The following PRKCE variants were observed in gnomAD, a reference collection of about 807,000 sequenced individuals.
PRKCE encodes protein kinase C epsilon type.
In PRKCE, 16 loss-of-function variants were observed where a neutral mutation model predicts 85.4. The ratio of observed to expected loss-of-function variants is 0.19; its 90% CI spans 0.13 to 0.28. The LOEUF (loss-of-function observed/expected upper bound fraction) is 0.28, where lower values mean the gene tolerates loss of function less well. Ranked by LOEUF, PRKCE falls within the 10% of genes least tolerant of loss-of-function variation. The pLI, the probability that PRKCE is intolerant of heterozygous loss-of-function variation, is 1.00. For missense variants in PRKCE, 573 were observed against 975.2 expected, an observed-to-expected ratio of 0.59 and a Z score of 5.49; for synonymous variants, 388 against 371.5, an observed-to-expected ratio of 1.04 and a Z score of -0.51.
intron 10 of PRKCE, among the ~76,000 whole-genome samples, chr2:46,076,637 A>T (rs62129019): frequency 6.6e-6 from 1 of 152,016 alleles, no homozygotes; most frequent in Non-Finnish European, 1.5e-5. Context: ...TTTCTCAACC[A>T]GCAGACTATA....
intron 1 of PRKCE, among the ~76,000 whole-genome samples, chr2:45,691,025 C>G (rs577730925): frequency 2.0e-5 from 3 of 152,356 alleles, no homozygotes; most frequent in South Asian, 2.1e-4. Flanking sequence ...AAAGCCTGAA[C>G]TTCGCTGGAT....
intron 6 of PRKCE, among the ~76,000 whole-genome samples, chr2:45,992,525 A>G (rs962155754): frequency 6.6e-5 from 10 of 152,068 alleles, no homozygotes; most frequent in Admixed American, 5.2e-4. Flanking sequence ...CAAGCACACA[A>G]TTTCCCATTT....
chr2:45,881,679 A>G (rs537381945), intron 2 of PRKCE, among the ~76,000 whole-genome samples: 1 of 152,278 alleles, frequency 6.6e-6, no homozygotes, highest in East Asian at 1.9e-4. Context: ...ATTTTTACAG[A>G]TGAGGAAACT....
rs544693502 is a variant in PRKCE at position 45,851,006 on chromosome 2, G to A, written c.412+7943G>A. ...CCAGTAAGCATCATCGTGTGCTTTA[G>A]CTGTTGGGTAGCTACTGGTAGGGCA... On this transcript the variant is annotated intron_variant, in intron 2 of 14. Transcript: ENST00000306156. Among the ~76,000 whole-genome samples, 5 of 152,356 alleles carry A rather than the reference G, an allele frequency of 3.3e-5. No homozygotes were observed. In the East Asian group the frequency reaches 7.7e-4, roughly 23 times the overall value.
intron 1 of PRKCE, among the ~76,000 whole-genome samples, chr2:45,691,042 C>A (rs939172116): frequency 6.6e-6 from 1 of 152,226 alleles, no homozygotes; most frequent in African/African-American, 2.4e-5. Context: ...GGATTTCTTT[C>A]TCTTATGGCT....
intron 2 of PRKCE, among the ~76,000 whole-genome samples, chr2:45,866,585 G>T (rs1380571545): frequency 1.3e-5 from 2 of 152,222 alleles, no homozygotes. Flanking sequence ...GGAATTACAG[G>T]CATGAGCCAC....
At chr2:45,854,133 T>A (rs1200519684) in intron 2 of PRKCE, among the ~76,000 whole-genome samples, 1 of 152,214 alleles carries the variant, frequency 6.6e-6, no homozygotes, top group Non-Finnish European at 1.5e-5. Flanking sequence ...CACAAGTCAT[T>A]CAAGGGCAGA....
chr2:46,010,418 G>A lies in PRKCE; in HGVS notation c.1338G>A (p.Gln446=), dbSNP rs759318994. ...VKVLKKDVIL[Q]DDDVDCTMTE... ...TCTTAAAGAAGGACGTCATCCTTCA[G>A]GATGATGACGTGGACTGCACAATGA... Residue 446 remains glutamine (Q), a synonymous_variant, in exon 10 of 15, where the codon CAG becomes CAA. Transcript: ENST00000306156. 6.3e-7 allele frequency: 1 copy of A among 1,599,694 alleles called. No individual in the cohort carries two copies. The highest frequency in any genetic ancestry group is 1.7e-5 in the Admixed American group (1 of 60,026).
At chr2:45,977,166 G>C (rs912456450) in intron 3 of PRKCE, among the ~76,000 whole-genome samples, 5 of 151,928 alleles carry the variant, frequency 3.3e-5, no homozygotes, top group African/African-American at 1.2e-4. Flanking sequence ...CAAAGTGCTG[G>C]GATTATAGAT....
intron 11 of PRKCE, among the ~76,000 whole-genome samples, chr2:46,109,902 A>G (rs1672096707): frequency 6.6e-6 from 1 of 152,140 alleles, no homozygotes; most frequent in South Asian, 2.1e-4. Context: ...GAGAATTTTT[A>G]TAATGAATGG....
intron 1 of PRKCE, among the ~76,000 whole-genome samples, chr2:45,763,317 G>T (rs1426866453): frequency 6.6e-6 from 1 of 152,272 alleles, no homozygotes; most frequent in South Asian, 2.1e-4. Context: ...CCTGTGAATG[G>T]AAGGGGCATT....
chr2:45,985,474 G>A (rs147289880), intron 6 of PRKCE, among the ~76,000 whole-genome samples: 122 of 152,186 alleles, frequency 8.0e-4, no homozygotes, highest in Non-Finnish European at 1.3e-3. Flanking sequence ...ATATTGCATG[G>A]ACAATATTTT....
At chr2:45,919,725 C>G (rs1698110533) in intron 2 of PRKCE, among the ~76,000 whole-genome samples, 1 of 152,222 alleles carries the variant, frequency 6.6e-6, no homozygotes, top group Non-Finnish European at 1.5e-5. Context: ...TTCTTTGGCT[C>G]TAGGGCTGGG....
rs543679702 is a variant in PRKCE at position 46,098,976 on chromosome 2, G to A, written c.1592+12614G>A. 6.2e-4 allele frequency among the ~76,000 whole-genome samples: 95 copies of A among 152,212 alleles called. 1 individual carries two copies. The highest frequency in any genetic ancestry group is 4.0e-3 in the South Asian group (19 of 4,804). ...GGGTACCATAGTGAGCTGAGGTAGT[G>A]GAGACTACACTTAATTGGCTTTGCT... On this transcript the variant is annotated intron_variant, in intron 11 of 14. Coordinates refer to ENST00000306156, the MANE Select transcript of PRKCE (RefSeq NM_005400.3).
At chr2:45,882,142 A>G (rs554503965) in intron 2 of PRKCE, among the ~76,000 whole-genome samples, 27 of 152,214 alleles carry the variant, frequency 1.8e-4, no homozygotes, top group Non-Finnish European at 3.2e-4. Flanking sequence ...TCTTACCTAC[A>G]TGTTTTCCTT....
intron 10 of PRKCE, among the ~76,000 whole-genome samples, chr2:46,049,126 T>C (rs959258168): frequency 2.0e-5 from 3 of 152,116 alleles, no homozygotes; most frequent in Non-Finnish European, 4.4e-5. Flanking sequence ...AGATACAAGG[T>C]CTGTCTTTCC....
At chr2:45,981,432 A>G (rs1702882347) in intron 5 of PRKCE, among the ~76,000 whole-genome samples, 1 of 152,228 alleles carries the variant, frequency 6.6e-6, no homozygotes, top group African/African-American at 2.4e-5. Context: ...AATTGAGTCA[A>G]ATAGCATCCT....
At chr2:45,930,870 G>A (rs1031044760) in intron 2 of PRKCE, among the ~76,000 whole-genome samples, 1 of 152,174 alleles carries the variant, frequency 6.6e-6, no homozygotes, top group African/African-American at 2.4e-5. Context: ...AGGAAGGTTC[G>A]AGGAGATAAA....
chr2:45,874,943 A>C (rs2105775807), intron 2 of PRKCE, among the ~76,000 whole-genome samples: 1 of 152,242 alleles, frequency 6.6e-6, no homozygotes, highest in African/African-American at 2.4e-5. Flanking sequence ...CCAATTAGGT[A>C]AGATTATCCT....
Sources: gnomAD v4.1 joint callset for allele counts (sites outside exome capture counted in the v4.1 genomes callset) on GRCh38, gnomAD v4.1.1 for gene constraint, MANE v1.5 for transcripts, NCBI Gene and HGNC (gene_info 2026-07-23, HGNC 2026-07-21) for gene names.